The following SLC49A4 variants were observed in gnomAD, a reference collection of about 807,000 sequenced individuals.
SLC49A4 encodes solute carrier family 49 member 4, also known as disrupted in renal cancer protein 2.
SLC49A4 carries 36 observed loss-of-function variants against 50.6 expected under a neutral mutation model. That is an observed-to-expected ratio of 0.71 (90% CI 0.55 to 0.94). SLC49A4 has a LOEUF of 0.94. SLC49A4 is among the 40% of genes least tolerant of loss of function. The pLI is 0.00. For synonymous variants in SLC49A4, 248 were observed against 241.2 expected, an observed-to-expected ratio of 1.03 and a Z score of -0.26; for missense variants, 503 against 605.7, an observed-to-expected ratio of 0.83 and a Z score of 1.78.
chr3:122,809,056 C>A (rs1487244418), intron 2 of SLC49A4, among the ~76,000 whole-genome samples: 2 of 152,110 alleles, frequency 1.3e-5, no homozygotes, highest in African/African-American at 4.8e-5. Flanking sequence ...TTGTTGATTC[C>A]ATTAACAGAT....
At chr3:122,827,174 A>C (rs1472680907) in intron 3 of SLC49A4, 109 bp downstream of exon 3, 5 of 1,221,412 alleles carry the variant, frequency 4.1e-6, no homozygotes, top group Non-Finnish European at 5.6e-6. Context: ...TGAGAGGACT[A>C]ATATGTAAAT....
intron 7 of SLC49A4, among the ~76,000 whole-genome samples, chr3:122,867,739 T>C (rs940616272): frequency 3.9e-5 from 6 of 152,238 alleles, no homozygotes; most frequent in African/African-American, 1.4e-4. Context: ...CCCAGCACTT[T>C]GGGAGGCCAA....
At chr3:122,827,932 G>A (rs1362583290) in intron 3 of SLC49A4, among the ~76,000 whole-genome samples, 3 of 152,230 alleles carry the variant, frequency 2.0e-5, no homozygotes, top group Non-Finnish European at 4.4e-5. Context: ...AGTGGTTAGT[G>A]TATTCCATAC....
intron 7 of SLC49A4, among the ~76,000 whole-genome samples, chr3:122,867,422 C>T (rs970358516): frequency 6.6e-6 from 1 of 152,188 alleles, no homozygotes; most frequent in Admixed American, 6.5e-5. Context: ...TCTAAATAAG[C>T]TGTTTTTTTA....
chr3:122,833,311 T>C lies in SLC49A4; in HGVS notation c.704-6T>C. ...GGTTAACATTTTACCTATTTTTTTC[T>C]TTCAGAATTTGGAGTTGTCTGCTTA... On this transcript the variant is annotated splice_region_variant and splice_polypyrimidine_tract_variant and intron_variant, in intron 3 of 8. Transcript: ENST00000261038. 6.2e-7 allele frequency: 1 copy of C among 1,611,046 alleles called. No individual in the cohort carries two copies. The highest frequency in any genetic ancestry group is 8.5e-7 in the Non-Finnish European group (1 of 1,178,590).
chr3:122,827,000 CTCT>C lies in SLC49A4; in HGVS notation c.643_645del (p.Leu215del). 1 of 1,614,204 alleles carries C rather than the reference CTCT, an allele frequency of 6.2e-7. No individual in the cohort carries two copies. Among genetic ancestry groups the C allele is most frequent in the Non-Finnish European group, 8.5e-7 (1 of 1,180,030 alleles). ...GTTCCAGCTCCCAATGGGACATCAC[CTCT>C]TCTTGCTGCAGAGAGCAGCAGGGCG... On this transcript the variant is annotated inframe_deletion, in exon 3 of 9. Transcript: ENST00000261038.
intron 7 of SLC49A4, 77 bp from the exon 8 acceptor site, chr3:122,872,338 G>T: frequency 7.9e-7 from 1 of 1,261,946 alleles, no homozygotes; most frequent in South Asian, 1.5e-5. Context: ...ACTTAGGAAA[G>T]AGAACACCCC....
rs765857872 is a variant in SLC49A4 at position 122,806,930 on chromosome 3, A to C, written c.417A>C (p.Ser139=). 1.9e-6 allele frequency: 3 copies of C among 1,596,536 alleles called. No individual in the cohort carries two copies. The highest frequency in any genetic ancestry group is 1.7e-5 in the Admixed American group (1 of 59,592). The change falls in exon 2 of 9, where the codon TCA becomes TCC. Residue 139 remains serine, a synonymous_variant. Coordinates refer to ENST00000261038, the MANE Select transcript of SLC49A4 (RefSeq NM_032839.3). ...CTGGTCTAAGATGCATACCTATATCAGACTTAATCCTTAAAAGAAGGTAAA... is the reference window on the plus strand; with the variant it reads ...CTGGTCTAAGATGCATACCTATATCCGACTTAATCCTTAAAAGAAGGTAAA... ...LGTGLRCIPI[S]DLILKRRLIH...
intron 5 of SLC49A4, among the ~76,000 whole-genome samples, chr3:122,848,994 T>C (rs1341742183): frequency 6.6e-6 from 1 of 152,208 alleles, no homozygotes; most frequent in Non-Finnish European, 1.5e-5. Flanking sequence ...CTGGTAACTA[T>C]CATTCTACAT....
intron 8 of SLC49A4, among the ~76,000 whole-genome samples, chr3:122,877,288 C>G (rs1200480783): frequency 6.6e-6 from 1 of 152,124 alleles, no homozygotes; most frequent in African/African-American, 2.4e-5. Context: ...CAAATAATTT[C>G]GAAGAACACT....
At chr3:122,870,451 A>C (rs894772106) in intron 7 of SLC49A4, among the ~76,000 whole-genome samples, 4 of 151,350 alleles carry the variant, frequency 2.6e-5, no homozygotes, top group Admixed American at 1.3e-4. Context: ...TCCTGGGCTC[A>C]AGCAGCCCTG....
chr3:122,806,511 G>A (rs1380226086), intron 1 of SLC49A4, among the ~76,000 whole-genome samples: 1 of 151,828 alleles, frequency 6.6e-6, no homozygotes, highest in East Asian at 1.9e-4. Flanking sequence ...CCGAGTAGCC[G>A]GGATTACAGG....
intron 7 of SLC49A4, among the ~76,000 whole-genome samples, chr3:122,870,163 C>T (rs975993964): frequency 6.6e-6 from 1 of 151,930 alleles, no homozygotes; most frequent in African/African-American, 2.4e-5. Context: ...AAACATGTTT[C>T]CTAAAAACAG....
At chr3:122,831,624 A>G (rs2107567409) in intron 3 of SLC49A4, among the ~76,000 whole-genome samples, 1 of 152,240 alleles carries the variant, frequency 6.6e-6, no homozygotes, top group Non-Finnish European at 1.5e-5. Flanking sequence ...ATTGAGAGTA[A>G]TGGGTACAGA....
At chr3:122,872,689 C>T (rs956612080) in intron 8 of SLC49A4, 92 bp downstream of exon 8, 3 of 844,922 alleles carry the variant, frequency 3.6e-6, no homozygotes, top group African/African-American at 3.5e-5. Flanking sequence ...GGAGAAGTCT[C>T]ACCAAGGCAA....
chr3:122,855,318 CAG>C (rs997705771), intron 5 of SLC49A4, among the ~76,000 whole-genome samples: 25 of 152,212 alleles, frequency 1.6e-4, no homozygotes, highest in South Asian at 4.1e-4. Context: ...GAAGCTCTGA[CAG>C]GGGTCAAGAA....
Position 122,872,596 on chromosome 3 carries a change from A to G in SLC49A4, c.1320A>G (p.Thr440=). 1 of 1,570,152 alleles carries G rather than the reference A, an allele frequency of 6.4e-7. No homozygotes were observed. Residue 440 remains threonine (T), a splice_region_variant and synonymous_variant, in exon 8 of 9, where the codon ACA becomes ACG. Transcript: ENST00000261038. The part of the protein sequence containing the change: ...VLLFFLTFYH[T]ELSWFNWCLP... Reference sequence around the variant, plus strand: ...TATTTTTTCTCACATTTTATCATACAGGTAAGAAATTTGATTTTTTATTTA... The same window carrying G: ...TATTTTTTCTCACATTTTATCATACGGGTAAGAAATTTGATTTTTTATTTA...
At chr3:122,824,932 C>A (rs1303969551) in intron 2 of SLC49A4, among the ~76,000 whole-genome samples, 1 of 151,842 alleles carries the variant, frequency 6.6e-6, no homozygotes, top group African/African-American at 2.4e-5. Flanking sequence ...GGGGTTTTGT[C>A]ATGTTGGCCA....
At chr3:122,860,643 G>A (rs1937049330) in intron 7 of SLC49A4, among the ~76,000 whole-genome samples, 1 of 152,076 alleles carries the variant, frequency 6.6e-6, no homozygotes, top group African/African-American at 2.4e-5. Flanking sequence ...TTAATACAAA[G>A]CAAAACTTAC....
Sources: allele counts gnomAD v4.1 joint callset (sites outside exome capture counted in the v4.1 genomes callset), GRCh38; gene constraint gnomAD v4.1.1; transcripts MANE v1.5; gene names NCBI Gene and HGNC (gene_info 2026-07-23, HGNC 2026-07-21).